Variants in GRXCR1 observed in about 807,000 individuals in gnomAD.
GRXCR1 encodes glutaredoxin and cysteine rich domain containing 1.
Under a neutral mutation model 27.3 loss-of-function variants are expected in GRXCR1, and 27 were observed. The ratio of observed to expected loss-of-function variants is 0.99; its 90% CI spans 0.73 to 1.37. GRXCR1 has a LOEUF of 1.37. GRXCR1 is among the 40% of genes most tolerant of loss of function. The probability of loss-of-function intolerance (pLI) is 0.00; values close to 1 mark genes in which losing one functional copy is unlikely to be tolerated. For synonymous variants in GRXCR1, 122 were observed against 131.1 expected, an observed-to-expected ratio of 0.93 and a Z score of 0.47; for missense variants, 379 against 354.4, an observed-to-expected ratio of 1.07 and a Z score of -0.56.
chr4:42,979,282 T>A (rs1222242920), intron 2 of GRXCR1, among the ~76,000 whole-genome samples: 1 of 152,108 alleles, frequency 6.6e-6, no homozygotes, highest in Non-Finnish European at 1.5e-5. Flanking sequence ...GGGACAGCCT[T>A]CATCTTTTCC....
chr4:42,973,315 A>G lies in GRXCR1; in HGVS notation c.627+10181A>G, dbSNP rs183909453. 4.6e-5 allele frequency among the ~76,000 whole-genome samples: 7 copies of G among 152,254 alleles called. No individual in the cohort carries two copies. In the South Asian group the frequency reaches 1.2e-3, roughly 27 times the overall value. On this transcript the variant is annotated intron_variant, in intron 2 of 3. Coordinates refer to ENST00000399770, the MANE Select transcript of GRXCR1 (RefSeq NM_001080476.3). ...TCTAGGCCCATTACTTCATTTTCCT[A>G]TTAATATCTTGTTAGTTTTCTATTG...
chr4:42,932,540 C>A (rs1177661979), intron 1 of GRXCR1, among the ~76,000 whole-genome samples: 1 of 129,050 alleles, frequency 7.7e-6, no homozygotes, highest in Admixed American at 8.4e-5. Context: ...ATAGATCAGG[C>A]CAAACTCTCT....
At chr4:42,931,869 G>A (rs1259259904) in intron 1 of GRXCR1, among the ~76,000 whole-genome samples, 2 of 151,944 alleles carry the variant, frequency 1.3e-5, no homozygotes, top group Admixed American at 1.3e-4. Flanking sequence ...AAAGGAAAGA[G>A]GTTTAATTGA....
intron 2 of GRXCR1, among the ~76,000 whole-genome samples, chr4:42,968,070 A>G (rs1173358354): frequency 6.6e-6 from 1 of 152,046 alleles, no homozygotes; most frequent in African/African-American, 2.4e-5. Flanking sequence ...TGGGCCCTCT[A>G]CTTATATCCA....
At chr4:42,959,553 C>T (rs545712129) in intron 1 of GRXCR1, among the ~76,000 whole-genome samples, 43 of 151,820 alleles carry the variant, frequency 2.8e-4, no homozygotes, top group Admixed American at 2.0e-3. Context: ...GCAATTTTAC[C>T]GCAAAAATGT....
At chr4:42,964,687 A>G (rs1748199126) in intron 2 of GRXCR1, among the ~76,000 whole-genome samples, 1 of 151,998 alleles carries the variant, frequency 6.6e-6, no homozygotes, top group Non-Finnish European at 1.5e-5. Context: ...TTGGCACATC[A>G]CCTCAAGGAA....
intron 2 of GRXCR1, among the ~76,000 whole-genome samples, chr4:42,983,090 T>A (rs1402797817): frequency 1.3e-5 from 2 of 150,810 alleles, no homozygotes; most frequent in Non-Finnish European, 3.0e-5. Context: ...TTGGCTTTTG[T>A]TGCCATTGCT....
rs139132602 is a variant in GRXCR1, at chr4:42,996,847, A to G, written c.628-23507A>G. ...TTAATATTTTATATTAATAAAAGACACGTTAGTAATTATAAAAGTCTTACA... is the reference window on the plus strand; with the variant it reads ...TTAATATTTTATATTAATAAAAGACGCGTTAGTAATTATAAAAGTCTTACA... On this transcript the variant is annotated intron_variant, in intron 2 of 3. Transcript: ENST00000399770. Among the ~76,000 whole-genome samples the G allele has an allele frequency of 5.8e-3, 877 of 152,078 alleles. 28 individuals carry two copies. Among genetic ancestry groups the G allele is most frequent in the Admixed American group, 0.051 (778 of 15,270 alleles).
At chr4:43,025,859 C>T (rs1310472253) in intron 3 of GRXCR1, among the ~76,000 whole-genome samples, 1 of 151,722 alleles carries the variant, frequency 6.6e-6, no homozygotes, top group Non-Finnish European at 1.5e-5. Flanking sequence ...GCCTGTAGTC[C>T]CAGCTACTCG....
chr4:42,932,922 A>G (rs1747363839), intron 1 of GRXCR1, among the ~76,000 whole-genome samples: 1 of 151,440 alleles, frequency 6.6e-6, no homozygotes, highest in African/African-American at 2.4e-5. Context: ...GGGATCTGGT[A>G]TTTTCTCTTT....
At chr4:42,917,322 T>A (rs1007093908) in intron 1 of GRXCR1, among the ~76,000 whole-genome samples, 6 of 152,140 alleles carry the variant, frequency 3.9e-5, no homozygotes, top group Non-Finnish European at 7.4e-5. Context: ...AGCTCCGTGT[T>A]TCATTCCAAT....
At chr4:42,976,296 A>G (rs910147132) in intron 2 of GRXCR1, among the ~76,000 whole-genome samples, 1 of 152,014 alleles carries the variant, frequency 6.6e-6, no homozygotes, top group Non-Finnish European at 1.5e-5. Flanking sequence ...CCATTAACCT[A>G]TATGTGTAGC....
chr4:42,983,246 A>G (rs2109786299), intron 2 of GRXCR1, among the ~76,000 whole-genome samples: 1 of 148,894 alleles, frequency 6.7e-6, no homozygotes, highest in East Asian at 2.0e-4. Flanking sequence ...GGTGTAAGGA[A>G]GGGATCCAGT....
intron 1 of GRXCR1, among the ~76,000 whole-genome samples, chr4:42,901,645 T>A (rs35706242): frequency 6.6e-6 from 1 of 152,112 alleles, no homozygotes; most frequent in Non-Finnish European, 1.5e-5. Context: ...TATTCATAGA[T>A]TGTAGAGATT....
intron 1 of GRXCR1, among the ~76,000 whole-genome samples, chr4:42,922,369 T>C (rs1477746147): frequency 6.6e-6 from 1 of 152,048 alleles, no homozygotes; most frequent in Non-Finnish European, 1.5e-5. Context: ...CTAGTTGACA[T>C]TTTCAAGCTT....
At chr4:43,007,203 T>C (rs1217864496) in intron 2 of GRXCR1, among the ~76,000 whole-genome samples, 3 of 152,226 alleles carry the variant, frequency 2.0e-5, no homozygotes, top group Non-Finnish European at 4.4e-5. Context: ...AGGCCACCAA[T>C]GGCAGTTAGA....
At chr4:42,927,900 G>C (rs565155931) in intron 1 of GRXCR1, among the ~76,000 whole-genome samples, 1 of 151,950 alleles carries the variant, frequency 6.6e-6, no homozygotes, top group African/African-American at 2.4e-5. Context: ...CCCTGTAGGA[G>C]AGTGGGGATT....
chr4:42,962,318 AT>A (rs1435162667), intron 1 of GRXCR1, among the ~76,000 whole-genome samples: 2 of 151,948 alleles, frequency 1.3e-5, no homozygotes, highest in Non-Finnish European at 2.9e-5. Flanking sequence ...TTCTTGTGGC[AT>A]AACTTTCTCA....
At chr4:42,931,607 C>A (rs1747307169) in intron 1 of GRXCR1, among the ~76,000 whole-genome samples, 1 of 151,330 alleles carries the variant, frequency 6.6e-6, no homozygotes, top group Admixed American at 6.6e-5. Flanking sequence ...TATTAATTGG[C>A]AAAAAATTAT....
Sources: allele counts gnomAD v4.1 joint callset (sites outside exome capture counted in the v4.1 genomes callset), GRCh38; gene constraint gnomAD v4.1.1; transcripts MANE v1.5; gene names NCBI Gene and HGNC (gene_info 2026-07-23, HGNC 2026-07-21).